Variants in FBXO31 observed in about 807,000 individuals in gnomAD.
FBXO31 encodes the protein F-box only protein 31.
FBXO31 carries 24 observed loss-of-function variants against 54.4 expected under a neutral mutation model. The observed-to-expected ratio is 0.44, with a 90% CI of 0.32 to 0.62. The LOEUF (loss-of-function observed/expected upper bound fraction) is 0.62, where lower values mean the gene tolerates loss of function less well. FBXO31 is among the 20% of genes least tolerant of loss of function. The pLI is 0.05. For missense variants in FBXO31, 665 were observed against 787.1 expected, an observed-to-expected ratio of 0.84 and a Z score of 1.86; for synonymous variants, 388 against 335.6, an observed-to-expected ratio of 1.16 and a Z score of -1.71.
At chr16:87,357,462 GGGAT>G (rs1905946949) in intron 2 of FBXO31, among the ~76,000 whole-genome samples, 1 of 151,344 alleles carries the variant, frequency 6.6e-6, no homozygotes. Flanking sequence ...CTGGGTACCT[GGGAT>G]TACAAGCACA....
rs562899235 is a variant in FBXO31 at position 87,335,409 on chromosome 16, G to A, written c.891C>T (p.Asp297=). ...RRIYLPPSRP[D]DLIKPGLFKG... ...TGAAGAGGCCAGGCTTGATGAGGTC[G>A]TCGGGGCGGCTGGGCGGCAGGTAGA... The change falls in exon 7 of 9, where the codon GAC becomes GAT. Residue 297 remains aspartate, a synonymous_variant. Transcript: ENST00000311635. The surrounding 1 kb of genome is among the most constrained non-coding windows in gnomAD (Gnocchi z 5.7). 16 of 1,613,864 alleles carry A rather than the reference G, an allele frequency of 9.9e-6. No homozygotes were observed. The highest frequency in any genetic ancestry group is 3.3e-5 in the Admixed American group (2 of 60,012).
chr16:87,349,998 G>C (rs1471361543), intron 2 of FBXO31, among the ~76,000 whole-genome samples: 3 of 152,112 alleles, frequency 2.0e-5, no homozygotes, highest in Non-Finnish European at 2.9e-5. Flanking sequence ...AAGCTCACCA[G>C]TAATCCCATC....
In FBXO31 at chr16:87,335,462, G is replaced by A. The variant is rs1292715717; in HGVS notation, c.843-5C>T. ...CGGCGGTAGGTCAGGCAGTTGCTGT[G>A]GGGAGCGGACGGGTCAGTACAGGAG... On this transcript the variant is annotated splice_region_variant and splice_polypyrimidine_tract_variant and intron_variant, in intron 6 of 8. Coordinates refer to ENST00000311635, the MANE Select transcript of FBXO31 (RefSeq NM_024735.5). This position sits in a 1 kb window ranked among gnomAD's most constrained non-coding sequence, Gnocchi z 5.7. 2 of 1,611,516 alleles carry A rather than the reference G, an allele frequency of 1.2e-6. No homozygotes were observed. Among genetic ancestry groups the A allele is most frequent in the Non-Finnish European group, 1.7e-6 (2 of 1,179,668 alleles).
In FBXO31 at chr16:87,343,777, G is replaced by T. The variant is rs1230271341; in HGVS notation, c.490-12C>A. 5 of 1,613,842 alleles carry T rather than the reference G, an allele frequency of 3.1e-6. No individual in the cohort carries two copies. The African/African-American group carries it at 6.7e-5, about 22-fold the overall frequency. ...AACAGGCCGTCCACCTACAGGAGGA[G>T]ATGGGCAAAGGTCCATGAGTGGCTC... On this transcript the variant is annotated splice_polypyrimidine_tract_variant and intron_variant, in intron 3 of 8. Coordinates refer to ENST00000311635, the MANE Select transcript of FBXO31 (RefSeq NM_024735.5).
chr16:87,344,780 G>C (rs1301631701), intron 3 of FBXO31, among the ~76,000 whole-genome samples: 1 of 152,200 alleles, frequency 6.6e-6, no homozygotes, highest in Non-Finnish European at 1.5e-5. Context: ...AGCAAGGCTG[G>C]AGCACGCGAC....
chr16:87,384,854 T>C (rs1174100527), upstream of FBXO31, among the ~76,000 whole-genome samples: 1 of 152,286 alleles, frequency 6.6e-6, no homozygotes, highest in Non-Finnish European at 1.5e-5. Context: ...AGCGTGACCC[T>C]GTCTCCAAAA....
rs1191188618 is a variant in FBXO31 at position 87,335,129 on chromosome 16, T to TG, written c.996+174dup. 2.0e-5 allele frequency among the ~76,000 whole-genome samples: 3 copies of TG among 152,140 alleles called. No homozygotes were observed. The highest frequency in any genetic ancestry group is 4.4e-5 in the Non-Finnish European group (3 of 68,006). On this transcript the variant is annotated intron_variant, in intron 7 of 8. Transcript: ENST00000311635. This position sits in a 1 kb window ranked among gnomAD's most constrained non-coding sequence, Gnocchi z 5.7. Reference sequence around the variant, plus strand: ...TCGTGGAAATGCAATTCTGGTTCAGTGGGGCTGGCTGGGGCCCGAGAATCT... The same window carrying TG: ...TCGTGGAAATGCAATTCTGGTTCAGTGGGGGCTGGCTGGGGCCCGAGAATCT...
chr16:87,391,162 G>A (rs1214240061), upstream of FBXO31, among the ~76,000 whole-genome samples: 1 of 152,114 alleles, frequency 6.6e-6, no homozygotes, highest in Admixed American at 6.5e-5. Flanking sequence ...ACCAGCCCGG[G>A]CAACACAGCG....
intron 1 of FBXO31, among the ~76,000 whole-genome samples, chr16:87,382,686 C>T (rs1275193014): frequency 6.6e-6 from 1 of 152,178 alleles, no homozygotes; most frequent in East Asian, 1.9e-4. Flanking sequence ...GGGTGGAGTG[C>T]AATGGCCCAG....
chr16:87,365,010 A>AATATATATATATATAGATAT (rs1906295054), intron 1 of FBXO31, among the ~76,000 whole-genome samples: 1 of 47,684 alleles, frequency 2.1e-5, no homozygotes, highest in Non-Finnish European at 3.6e-5. Flanking sequence ...CCGTCTCTTA[A>AATATATATATATATAGATAT]ATATATATAT....
intron 2 of FBXO31, among the ~76,000 whole-genome samples, chr16:87,352,028 T>G (rs985717644): frequency 6.6e-6 from 1 of 152,194 alleles, no homozygotes; most frequent in East Asian, 1.9e-4. Flanking sequence ...CAAGGCGATG[T>G]GGGGTGGGGT....
intron 1 of FBXO31, among the ~76,000 whole-genome samples, chr16:87,379,071 A>T (rs1004761050): frequency 1.3e-5 from 2 of 152,186 alleles, no homozygotes; most frequent in Non-Finnish European, 2.9e-5. Flanking sequence ...AAATAAAAAT[A>T]AGCAAAAGAA....
At chr16:87,363,988 C>T (rs187223073) in intron 1 of FBXO31, among the ~76,000 whole-genome samples, 4 of 152,290 alleles carry the variant, frequency 2.6e-5, no homozygotes, top group East Asian at 3.9e-4. Context: ...AGGGGAAAGA[C>T]GCTGATGCAG....
At chr16:87,340,622 G>A (rs1296443844) in intron 5 of FBXO31, among the ~76,000 whole-genome samples, 1 of 152,140 alleles carries the variant, frequency 6.6e-6, no homozygotes, top group Non-Finnish European at 1.5e-5. Context: ...GCACTAAACT[G>A]AGAGTCTTTT....
Position 87,331,141 on chromosome 16 carries a change from T to G in FBXO31, c.*147A>C. ...TCTATGTCACACTCTCTACATAAAG[T>G]GCTGGGGGGTGGCTGGACTGGGCCC... On this transcript the variant is annotated 3_prime_UTR_variant, in exon 9 of 9. Transcript: ENST00000311635. The G allele has an allele frequency of 1.5e-6, 1 of 674,710 alleles. No individual in the cohort carries two copies. Among genetic ancestry groups the G allele is most frequent in the Non-Finnish European group, 2.6e-6 (1 of 387,406 alleles). 41.8% of individuals were successfully genotyped at this position (674,710 alleles called of 1,614,324 possible). A position where few individuals can be genotyped will look rare whatever the true frequency, so the allele number is the denominator to read the frequency against.
At chr16:87,391,581 G>C (rs566909719), upstream of FBXO31, 7 of 152,340 alleles carry the variant, frequency 4.6e-5, no homozygotes, top group Non-Finnish European at 7.3e-5. Flanking sequence ...CGACCTAACG[G>C]TAGGAAAATC....
At chr16:87,388,691 C>T (rs538173700), upstream of FBXO31, 3 of 152,388 alleles carry the variant, frequency 2.0e-5, no homozygotes, top group South Asian at 4.1e-4. Context: ...CCACTTACAT[C>T]ACTCAAGCTG....
intron 2 of FBXO31, among the ~76,000 whole-genome samples, chr16:87,357,353 G>A (rs1218931865): frequency 7.4e-6 from 1 of 135,546 alleles, no homozygotes; most frequent in Non-Finnish European, 1.5e-5. Context: ...TTTTGAGACA[G>A]AGTCTCGCTC....
chr16:87,375,990 C>G (rs1219625173), intron 1 of FBXO31, among the ~76,000 whole-genome samples: 1 of 152,232 alleles, frequency 6.6e-6, no homozygotes. Context: ...AACCAACTTA[C>G]TATTGCCAAC....
Sources: gnomAD v4.1 joint callset for allele counts (sites outside exome capture counted in the v4.1 genomes callset) on GRCh38, gnomAD v4.1.1 for gene constraint, Gnocchi (gnomAD v3.1) non-coding constraint, MANE v1.5 for transcripts, NCBI Gene and HGNC (gene_info 2026-07-23, HGNC 2026-07-21) for gene names.